Variants in NCKAP5 observed in about 807,000 individuals in gnomAD.
The protein encoded by NCKAP5 is nck-associated protein 5.
A neutral mutation model predicts 167.0 loss-of-function variants in NCKAP5; 92 were observed. That is an observed-to-expected ratio of 0.55 (90% CI 0.47 to 0.66). The LOEUF (loss-of-function observed/expected upper bound fraction) is 0.66. Among genes scored for constraint, NCKAP5 ranks in the 30% least tolerant of loss-of-function variants. The pLI is 0.00. For synonymous variants in NCKAP5, 891 were observed against 877.4 expected, an observed-to-expected ratio of 1.02 and a Z score of -0.27; for missense variants, 2,378 against 2,315.0, an observed-to-expected ratio of 1.03 and a Z score of -0.56.
At chr2:133,546,671 AAAC>A (rs1398298545) in intron 2 of NCKAP5, among the ~76,000 whole-genome samples, 2 of 152,142 alleles carry the variant, frequency 1.3e-5, no homozygotes, top group African/African-American at 4.8e-5. Context: ...AAACAAAACA[AAAC>A]AAAACAAAAA....
the NCKAP5 span, among the ~76,000 whole-genome samples, chr2:133,647,031 A>G: frequency 2.6e-5 from 4 of 152,140 alleles, no homozygotes; most frequent in Non-Finnish European, 4.4e-5. Flanking sequence ...AAAAAATTGT[A>G]ACAAAACACA....
intron 3 of NCKAP5, among the ~76,000 whole-genome samples, chr2:133,469,889 G>A (rs1347767022): frequency 6.7e-6 from 1 of 148,776 alleles, no homozygotes; most frequent in South Asian, 2.2e-4. Context: ...TCTCTGTATT[G>A]GTTATTCTAG....
At chr2:133,534,217 A>C (rs1001673517) in intron 2 of NCKAP5, among the ~76,000 whole-genome samples, 1 of 152,238 alleles carries the variant, frequency 6.6e-6, no homozygotes, top group Non-Finnish European at 1.5e-5. Flanking sequence ...CATATAGAGA[A>C]AAATGAAGTA....
chr2:132,745,091 C>A (rs950861848), intron 16 of NCKAP5, among the ~76,000 whole-genome samples: 17 of 151,804 alleles, frequency 1.1e-4, no homozygotes, highest in Admixed American at 1.1e-3. Context: ...GAAGAGCAAA[C>A]ACTTTCCACA....
rs940438985 is a variant in NCKAP5 at position 133,328,258 on chromosome 2, G to T, written c.70-25148C>A. Among the ~76,000 whole-genome samples, 54 of 152,134 alleles carry T rather than the reference G, an allele frequency of 3.5e-4. 3 individuals carry two copies. Among genetic ancestry groups the T allele is most frequent in the Admixed American group, 6.6e-5 (1 of 15,266 alleles). On this transcript the variant is annotated intron_variant, in intron 3 of 19. Coordinates refer to ENST00000409261, the MANE Select transcript of NCKAP5 (RefSeq NM_207363.3). The stretch of plus-strand genomic sequence containing the variant: ...ATCCTGTTCTCAGTCCCCCAAATTC[G>T]CTGCGTATCTGCTCTCATTATGTCA...
At chr2:132,845,252 A>G (rs1688576740) in intron 11 of NCKAP5, among the ~76,000 whole-genome samples, 1 of 152,032 alleles carries the variant, frequency 6.6e-6, no homozygotes, top group African/African-American at 2.4e-5. Context: ...TCTATTGCCT[A>G]TTTTGCCTAG....
intron 8 of NCKAP5, among the ~76,000 whole-genome samples, chr2:132,920,799 A>ATGTATGTG (rs1695357944): frequency 2.8e-5 from 3 of 105,538 alleles, no homozygotes; most frequent in Non-Finnish European, 1.9e-5. Flanking sequence ...ATATATATAT[A>ATGTATGTG]TATATATATA....
chr2:133,316,733 G>C (rs1681637020), intron 3 of NCKAP5, among the ~76,000 whole-genome samples: 1 of 152,182 alleles, frequency 6.6e-6, no homozygotes, highest in African/African-American at 2.4e-5. Flanking sequence ...GGGTGGGAAT[G>C]GGTGGTGCCC....
intron 1 of NCKAP5, among the ~76,000 whole-genome samples, chr2:133,562,859 A>G (rs555441727): frequency 2.0e-5 from 3 of 152,302 alleles, no homozygotes; most frequent in East Asian, 3.9e-4. Flanking sequence ...GCAAGTATGT[A>G]TTGGGGCATT....
At chr2:133,607,720 A>G in the NCKAP5 span, among the ~76,000 whole-genome samples, 3 of 152,252 alleles carry the variant, frequency 2.0e-5, no homozygotes, top group South Asian at 4.1e-4. Context: ...CCTTTGATTT[A>G]TTAAAGAAAA....
At chr2:132,842,612 GCAC>G (rs1688369928) in intron 11 of NCKAP5, among the ~76,000 whole-genome samples, 1 of 151,730 alleles carries the variant, frequency 6.6e-6, no homozygotes. Flanking sequence ...GAGTACAATG[GCAC>G]CATCATGGCT....
chr2:133,150,200 AT>A (rs1173661760), intron 5 of NCKAP5, among the ~76,000 whole-genome samples: 1 of 152,214 alleles, frequency 6.6e-6, no homozygotes, highest in East Asian at 1.9e-4. Flanking sequence ...TAAATTGTAC[AT>A]CTTTCTGAAC....
chr2:133,151,418 A>G (rs1020410243), intron 5 of NCKAP5, among the ~76,000 whole-genome samples: 1 of 152,206 alleles, frequency 6.6e-6, no homozygotes, highest in Admixed American at 6.5e-5. Context: ...AGATGGGTAT[A>G]CAAAATATAC....
the NCKAP5 span, among the ~76,000 whole-genome samples, chr2:133,654,036 A>G: frequency 6.6e-6 from 1 of 152,020 alleles, no homozygotes; most frequent in Non-Finnish European, 1.5e-5. Context: ...ACTAGACCCA[A>G]AGTTCTCTGG....
intron 4 of NCKAP5, among the ~76,000 whole-genome samples, chr2:133,270,362 T>A (rs1200464961): frequency 6.6e-6 from 1 of 152,208 alleles, no homozygotes; most frequent in Non-Finnish European, 1.5e-5. Context: ...AAAGGGAGAA[T>A]ATGGAACTTT....
intron 16 of NCKAP5, among the ~76,000 whole-genome samples, chr2:132,764,116 A>G (rs1171612870): frequency 6.6e-6 from 1 of 152,234 alleles, no homozygotes; most frequent in Non-Finnish European, 1.5e-5. Context: ...TCATAAATAC[A>G]GAAACATCCA....
At chr2:132,976,137 A>G (rs1180448317) in intron 7 of NCKAP5, among the ~76,000 whole-genome samples, 1 of 152,236 alleles carries the variant, frequency 6.6e-6, no homozygotes, top group East Asian at 1.9e-4. Context: ...ACAGAAAGAC[A>G]AATATCACAT....
intron 4 of NCKAP5, among the ~76,000 whole-genome samples, chr2:133,242,042 C>T (rs1462460301): frequency 1.4e-5 from 2 of 144,516 alleles, no homozygotes; most frequent in Non-Finnish European, 3.0e-5. Context: ...CATTTGAAAC[C>T]GGGAGGCAGA....
At chr2:133,421,097 C>T (rs1689446119) in intron 3 of NCKAP5, among the ~76,000 whole-genome samples, 1 of 152,120 alleles carries the variant, frequency 6.6e-6, no homozygotes, top group East Asian at 1.9e-4. Context: ...GACATGAGTG[C>T]TTTTCTAAAT....
Sources: allele counts gnomAD v4.1 joint callset (sites outside exome capture counted in the v4.1 genomes callset), GRCh38; gene constraint gnomAD v4.1.1; transcripts MANE v1.5; gene names NCBI Gene and HGNC (gene_info 2026-07-23, HGNC 2026-07-21).